Variants in NGDN observed in about 807,000 individuals in gnomAD.
NGDN encodes the protein EIF4E-binding protein.
NGDN carries 41 observed loss-of-function variants against 45.2 expected under a neutral mutation model. The ratio of observed to expected loss-of-function variants is 0.91; its 90% CI spans 0.71 to 1.18. The LOEUF is 1.18. Ranked by LOEUF, NGDN falls within the 50% of genes most tolerant of loss-of-function variation. The pLI is 0.00. For synonymous variants in NGDN, 137 were observed against 130.9 expected (o/e 1.05, Z -0.32); for missense variants, 402 against 399.9 (o/e 1.01, Z -0.05).
chr14:23,475,795 T>C lies in NGDN; in HGVS notation c.420+17T>C, dbSNP rs887113091. On this transcript the variant is annotated intron_variant, in intron 6 of 10. Coordinates refer to ENST00000408901, the MANE Select transcript of NGDN (RefSeq NM_001042635.2). Reference sequence around the variant, plus strand: ...ATGAGCAAGGTAAGGGGTTGTAGTATTCTCCTGATTTTTTTCTGAGGCAGC... The same window carrying C: ...ATGAGCAAGGTAAGGGGTTGTAGTACTCTCCTGATTTTTTTCTGAGGCAGC... 4 of 1,609,180 alleles carry C rather than the reference T, an allele frequency of 2.5e-6. No homozygotes were observed. In the East Asian group the frequency reaches 8.9e-5, roughly 36 times the overall value.
Position 23,477,557 on chromosome 14 carries a change from A to G in NGDN, c.925A>G (p.Lys309Glu). 3 of 1,614,158 alleles carry G rather than the reference A, an allele frequency of 1.9e-6. No individual in the cohort carries two copies. The highest frequency in any genetic ancestry group is 2.5e-6 in the Non-Finnish European group (3 of 1,180,030). Reference protein sequence around the residue: ...KKIPQKGRKKKGFRRRR With the variant: ...KKIPQKGRKKEGFRRRR ...GATACCTCAGAAAGGTCGGAAGAAA[A>G]AAGGTCAGTGAACTGCTGGGACTTA... Residue 309 changes from lysine to glutamate, a missense_variant, in exon 10 of 11, where the codon AAA becomes GAA. Lys to Glu is a moderately conservative substitution (Grantham distance 56, BLOSUM62 1). Transcript: ENST00000408901.
intron 4 of NGDN, 47 bp from the exon 5 acceptor site, chr14:23,475,511 T>C: frequency 3.2e-6 from 5 of 1,586,710 alleles, no homozygotes; most frequent in Non-Finnish European, 3.5e-6. Context: ...TGGTGTGTGC[T>C]TCATTTTGGG....
Position 23,474,640 on chromosome 14 carries a change from A to G in NGDN, c.145-531A>G, listed in dbSNP as rs1053120322. Among the ~76,000 whole-genome samples the G allele has an allele frequency of 3.9e-5, 6 of 152,112 alleles. No homozygotes were observed. In the South Asian group the frequency reaches 1.0e-3, roughly 26 times the overall value. On this transcript the variant is annotated intron_variant, in intron 3 of 10. Transcript: ENST00000408901. The stretch of plus-strand genomic sequence containing the variant: ...CTTTCTACAACTTGTGGTGACATGG[A>G]TTTAATTCGATGTCATTATATATAA...
chr14:23,470,468 C>A (rs1214149849), intron 2 of NGDN, among the ~76,000 whole-genome samples: 1 of 152,198 alleles, frequency 6.6e-6, no homozygotes, highest in East Asian at 1.9e-4. Flanking sequence ...TCGAAAACCT[C>A]ATAAGTCGAA....
At chr14:23,478,178 A>G, downstream of NGDN, 1 of 747,836 alleles carries the variant, frequency 1.3e-6, no homozygotes, top group Non-Finnish European at 2.2e-6. Flanking sequence ...TATGAATTAA[A>G]GCCCCTTTTT....
Position 23,476,359 on chromosome 14 carries a change from A to G in NGDN, c.665A>G (p.Asp222Gly). The change falls in exon 8 of 11, where the codon GAT becomes GGT. Residue 222 changes from aspartate (D) to glycine (G), a missense_variant. Asp to Gly is a moderately conservative substitution (Grantham distance 94, BLOSUM62 -1). Transcript: ENST00000408901. ...QYSDAPEEIR[D>G]ARHPHVTRQS... is the part of the protein sequence containing the mutation. ...TCAGATGCTCCAGAGGAAATCCGTG[A>G]TGCTCGGCATCCCCATGTTACCCGC... is the stretch of plus-strand genomic sequence containing the variant. 6.2e-7 allele frequency: 1 copy of G among 1,613,026 alleles called. No individual in the cohort carries two copies. Among genetic ancestry groups the G allele is most frequent in the South Asian group, 1.1e-5 (1 of 91,030 alleles).
chr14:23,477,899 C>G (rs986020634), intron 10 of NGDN, 108 bp from the exon 11 acceptor site: 1 of 1,607,722 alleles, frequency 6.2e-7, no homozygotes, highest in Admixed American at 1.7e-5. Context: ...AGGGTACTGC[C>G]TAGGAGACCC....
chr14:23,474,611 T>C (rs1159976697), intron 3 of NGDN, among the ~76,000 whole-genome samples: 1 of 152,230 alleles, frequency 6.6e-6, no homozygotes, highest in African/African-American at 2.4e-5. Flanking sequence ...GAAGTCATAT[T>C]ACACTTTCTA....
At chr14:23,470,415 C>A in intron 2 of NGDN, 1 of 289,032 alleles carries the variant, frequency 3.5e-6, no homozygotes, top group Non-Finnish European at 6.4e-6. Context: ...AGATGCTTCT[C>A]GACTTAACGA....
chr14:23,471,629 G>C (rs959727825), intron 3 of NGDN: 20 of 151,998 alleles, frequency 1.3e-4, no homozygotes, highest in African/African-American at 4.8e-4. Context: ...GACCAACCTG[G>C]GTAACATAGT....
At chr14:23,472,652 T>C (rs1893808885) in intron 3 of NGDN, among the ~76,000 whole-genome samples, 1 of 152,194 alleles carries the variant, frequency 6.6e-6, no homozygotes, top group Non-Finnish European at 1.5e-5. Flanking sequence ...TTATCTGTTT[T>C]TATATATTGA....
chr14:23,472,932 C>A (rs992415712), intron 3 of NGDN, among the ~76,000 whole-genome samples: 1 of 152,054 alleles, frequency 6.6e-6, no homozygotes, highest in African/African-American at 2.4e-5. Context: ...TTGACAATGC[C>A]CAAGCACGTC....
chr14:23,476,036 C>T lies in NGDN; in HGVS notation c.428C>T (p.Ser143Phe), dbSNP rs751855174. 2.5e-6 allele frequency: 4 copies of T among 1,614,100 alleles called. No individual in the cohort carries two copies. The South Asian group carries it at 4.4e-5, about 18-fold the overall frequency. ...HPSNMMSKLS[S>F]EDEEEDEAED... ...ACATTGTTTCTTTTGTAGTTGAGCT[C>T]TGAGGATGAGGAGGAAGATGAAGCA... Residue 143 changes from serine to phenylalanine, a missense_variant, in exon 7 of 11, where the codon TCT becomes TTT. By Grantham distance (155) the Ser-to-Phe change is radical. Coordinates refer to ENST00000408901, the MANE Select transcript of NGDN (RefSeq NM_001042635.2).
At chr14:23,477,713 T>C (rs905798954) in intron 10 of NGDN, 153 bp downstream of exon 10, 57 of 1,468,606 alleles carry the variant, frequency 3.9e-5, no homozygotes, top group Non-Finnish European at 4.5e-5. Context: ...ATTTTTTGCT[T>C]TCCTGAGCTG....
In NGDN at chr14:23,477,500, C is replaced by T. The variant is rs1893931458; in HGVS notation, c.871-3C>T. 1 of 1,614,158 alleles carries T rather than the reference C, an allele frequency of 6.2e-7. No homozygotes were observed. The highest frequency in any genetic ancestry group is 8.5e-7 in the Non-Finnish European group (1 of 1,180,022). On this transcript the variant is annotated splice_polypyrimidine_tract_variant and splice_region_variant and intron_variant, in intron 9 of 10. Coordinates refer to ENST00000408901, the MANE Select transcript of NGDN (RefSeq NM_001042635.2). ...ATTCCATCACTTCTCCATCTGTCTC[C>T]AGGATCAGAATCCTATTAAGAAGCG...
At chr14:23,476,885 A>G (rs144313792) in intron 8 of NGDN, among the ~76,000 whole-genome samples, 1 of 152,244 alleles carries the variant, frequency 6.6e-6, no homozygotes, top group East Asian at 1.9e-4. Flanking sequence ...ATGGATTTGC[A>G]TGAAAGGACA....
intron 8 of NGDN, among the ~76,000 whole-genome samples, chr14:23,476,650 A>AG (rs1049087093): frequency 1.3e-5 from 2 of 152,180 alleles, no homozygotes; most frequent in Non-Finnish European, 2.9e-5. Context: ...ATGAGATTTG[A>AG]GGGGGAAAAA....
chr14:23,478,162 T>G lies in NGDN; in HGVS notation c.*136T>G. The G allele has an allele frequency of 1.1e-6, 1 of 899,236 alleles. No homozygotes were observed. The highest frequency in any genetic ancestry group is 1.7e-6 in the Non-Finnish European group (1 of 579,294). 55.7% of individuals were successfully genotyped at this position (899,236 alleles called of 1,614,324 possible). Reference sequence around the variant, plus strand: ...AAAGAGCCTTACTAATAAAATTGATTTTGCTTATGAATTAAAGCCCCTTTT... The same window carrying G: ...AAAGAGCCTTACTAATAAAATTGATGTTGCTTATGAATTAAAGCCCCTTTT... On this transcript the variant is annotated 3_prime_UTR_variant, in exon 11 of 11. Coordinates refer to ENST00000408901, the MANE Select transcript of NGDN (RefSeq NM_001042635.2).
chr14:23,472,101 G>C (rs1595105199), intron 3 of NGDN, among the ~76,000 whole-genome samples: 2 of 149,476 alleles, frequency 1.3e-5, no homozygotes, highest in African/African-American at 4.9e-5. Context: ...GAATGGATCG[G>C]TTGAGCCCAG....
Sources: gnomAD v4.1 joint callset for allele counts (sites outside exome capture counted in the v4.1 genomes callset) on GRCh38, gnomAD v4.1.1 for gene constraint, MANE v1.5 for transcripts, NCBI Gene and HGNC (gene_info 2026-07-23, HGNC 2026-07-21) for gene names.